Variants in CDCP2 observed in about 807,000 individuals in gnomAD.
CDCP2 encodes CUB domain-containing protein 2.
Under a neutral mutation model 31.0 loss-of-function variants are expected in CDCP2, and 31 were observed. The ratio of observed to expected loss-of-function variants is 1.00; its 90% CI spans 0.75 to 1.35. CDCP2 has a LOEUF of 1.35. Ranked by LOEUF, CDCP2 falls within the 40% of genes most tolerant of loss-of-function variation. CDCP2 has a pLI of 0.00. For synonymous variants in CDCP2, 206 were observed against 207.9 expected (o/e 0.99, Z 0.08); for missense variants, 443 against 482.6 (o/e 0.92, Z 0.77).
intron 5 of CDCP2, among the ~76,000 whole-genome samples, chr1:54,136,418 A>T (rs1421651391): frequency 6.6e-6 from 1 of 152,134 alleles, no homozygotes; most frequent in Non-Finnish European, 1.5e-5. Flanking sequence ...AACCAGAGGG[A>T]CACCCTCTCC....
intron 1 of CDCP2, among the ~76,000 whole-genome samples, chr1:54,148,209 G>C (rs1659509117): frequency 6.7e-6 from 1 of 150,294 alleles, no homozygotes; most frequent in African/African-American, 2.5e-5. Flanking sequence ...TTTTTTTACT[G>C]GTCAAATAAG....
intron 4 of CDCP2, 96 bp from the exon 5 acceptor site, chr1:54,136,904 G>A: frequency 2.5e-6 from 1 of 398,598 alleles, no homozygotes; most frequent in Non-Finnish European, 4.4e-6. Flanking sequence ...GGTGGTGGAT[G>A]GGGAAACTGA....
chr1:54,140,338 A>G (rs1659344291), intron 3 of CDCP2: 1 of 579,912 alleles, frequency 1.7e-6, no homozygotes, highest in East Asian at 2.9e-5. Flanking sequence ...CTTGCATTCC[A>G]GTTGACAGTC....
intron 2 of CDCP2, chr1:54,143,743 G>A (rs1659413209): frequency 1.3e-5 from 2 of 152,198 alleles, no homozygotes; most frequent in African/African-American, 2.4e-5. Flanking sequence ...CATCAGTGAG[G>A]TCTTTGGTTC....
At chr1:54,144,430 A>G (rs1003438265) in intron 2 of CDCP2, 36 bp downstream of exon 2, 2 of 1,519,524 alleles carry the variant, frequency 1.3e-6, no homozygotes, top group Non-Finnish European at 1.8e-6. Context: ...TACAGGTGTG[A>G]GCCACTGCAA....
At chr1:54,143,147 C>G (rs1659403103) in intron 2 of CDCP2, among the ~76,000 whole-genome samples, 1 of 151,976 alleles carries the variant, frequency 6.6e-6, no homozygotes, top group South Asian at 2.1e-4. Context: ...ACCAGCCTGG[C>G]CAACATGGCA....
chr1:54,142,887 GCTCT>G (rs920970460), intron 2 of CDCP2: 3 of 152,144 alleles, frequency 2.0e-5, no homozygotes, highest in Non-Finnish European at 4.4e-5. Flanking sequence ...TGTATTTCAA[GCTCT>G]CTTTTAATGT....
At chr1:54,148,974 A>ATATATAT (rs149408012) in intron 1 of CDCP2, among the ~76,000 whole-genome samples, 2 of 146,286 alleles carry the variant, frequency 1.4e-5, no homozygotes, top group Non-Finnish European at 3.0e-5. Flanking sequence ...TTAAAAAAAA[A>ATATATAT]ATATATATAT....
At chr1:54,140,178 C>T in intron 3 of CDCP2, 72 bp from the exon 4 acceptor site, 1 of 1,472,310 alleles carries the variant, frequency 6.8e-7, no homozygotes, top group Non-Finnish European at 9.4e-7. Flanking sequence ...GCAGTTACAG[C>T]TTAGGCAGCA....
chr1:54,139,746 A>G lies in CDCP2; in HGVS notation c.1117+7T>C, dbSNP rs752324082. ...CTCAGTGGACCCACTCCCACAGCCC[A>G]GCTGACCTCCGATGTAGGCCACAGA... On this transcript the variant is annotated splice_region_variant and intron_variant, in intron 4 of 5. Coordinates refer to ENST00000530059, the Ensembl canonical transcript of CDCP2. 5 of 1,614,196 alleles carry G rather than the reference A, an allele frequency of 3.1e-6. No individual in the cohort carries two copies. In the Admixed American group the frequency reaches 5.0e-5, roughly 16 times the overall value.
intron 1 of CDCP2, among the ~76,000 whole-genome samples, chr1:54,152,172 T>C (rs1659594600): frequency 6.6e-6 from 1 of 152,074 alleles, no homozygotes; most frequent in South Asian, 2.1e-4. Flanking sequence ...ATAAAGACTC[T>C]TCAGCAATAG....
At chr1:54,151,405 C>A (rs763832681) in intron 1 of CDCP2, among the ~76,000 whole-genome samples, 4 of 152,200 alleles carry the variant, frequency 2.6e-5, no homozygotes, top group Non-Finnish European at 5.9e-5. Context: ...TGTTATTGTC[C>A]TTCTCCCAGC....
rs183989119 is a variant in CDCP2, at chr1:54,145,849, T to G, written c.80-1036A>C. Among the ~76,000 whole-genome samples the G allele has an allele frequency of 2.7e-4, 41 of 152,308 alleles. 1 individual carries two copies. In the Middle Eastern group the frequency reaches 0.01, roughly 38 times the overall value. ...CTGTGTAAGCATATAAAATACTTTA[T>G]ATAATTTTAAGAGATCAAAACAAAG... On this transcript the variant is annotated intron_variant, in intron 1 of 5. Coordinates refer to ENST00000530059, the Ensembl canonical transcript of CDCP2.
chr1:54,148,970 A>ATAT lies in CDCP2; in HGVS notation c.79+3873_79+3874insATA, dbSNP rs1553174429. ...ATTTGAACAAATGAATTGTTTAAAAAAAAAATATATATATATATAATATAT... is the reference window on the plus strand; with the variant it reads ...ATTTGAACAAATGAATTGTTTAAAAATATAAAAATATATATATATATAATATAT... On this transcript the variant is annotated intron_variant, in intron 1 of 5. Coordinates refer to ENST00000530059, the Ensembl canonical transcript of CDCP2. Among the ~76,000 whole-genome samples the ATAT allele has an allele frequency of 6.6e-5, 8 of 122,048 alleles. No homozygotes were observed. In the South Asian group the frequency reaches 1.9e-3, roughly 29 times the overall value. The allele number at this position is 122,048 out of a possible 152,430, so 80.1% of individuals were successfully genotyped here.
chr1:54,144,557 C>A, exon 2 of CDCP2: 3 of 1,613,676 alleles, frequency 1.9e-6, no homozygotes, highest in Non-Finnish European at 2.5e-6. Context: ...AGGTGAAGGG[C>A]GGCGGGGGCA....
intron 2 of CDCP2, chr1:54,142,327 A>G (rs1168427082): frequency 6.6e-6 from 1 of 152,250 alleles, no homozygotes; most frequent in Non-Finnish European, 1.5e-5. Flanking sequence ...TGACATCTGA[A>G]GACAAGTAGT....
chr1:54,139,503 G>A (rs1659316428), intron 4 of CDCP2: 1 of 1,600,234 alleles, frequency 6.2e-7, no homozygotes, highest in South Asian at 1.1e-5. Flanking sequence ...GATGGGGAGG[G>A]GTGAGGACTC....
At chr1:54,145,100 G>A (rs889186356) in intron 1 of CDCP2, among the ~76,000 whole-genome samples, 3 of 152,118 alleles carry the variant, frequency 2.0e-5, no homozygotes, top group Admixed American at 6.6e-5. Context: ...CATTCTGGCA[G>A]GGAAGACAGA....
At chr1:54,141,136 T>C (rs1659362438) in exon 3 of CDCP2, 1 of 1,543,136 alleles carries the variant, frequency 6.5e-7, no homozygotes. Flanking sequence ...GCCTCCGATG[T>C]TGAAGTCGGA....
Sources: gnomAD v4.1 joint callset for allele counts (sites outside exome capture counted in the v4.1 genomes callset) on GRCh38, gnomAD v4.1.1 for gene constraint, MANE v1.5 for transcripts, NCBI Gene and HGNC (gene_info 2026-07-23, HGNC 2026-07-21) for gene names.